Variants in INPP5D observed in about 807,000 individuals in gnomAD.
INPP5D encodes phosphatidylinositol 3,4,5-trisphosphate 5-phosphatase 1.
Under a neutral mutation model 122.9 loss-of-function variants are expected in INPP5D, and 33 were observed. That is an observed-to-expected ratio of 0.27 (90% CI 0.20 to 0.36). The LOEUF (loss-of-function observed/expected upper bound fraction) is 0.36. Ranked by LOEUF, INPP5D falls within the 10% of genes least tolerant of loss-of-function variation. The probability of loss-of-function intolerance (pLI) is 1.00; values close to 1 mark genes in which losing one functional copy is unlikely to be tolerated. For missense variants in INPP5D, 1,053 were observed against 1,412.7 expected (o/e 0.75, Z 4.08); for synonymous variants, 584 against 576.2 (o/e 1.01, Z -0.19).
intron 7 of INPP5D, 47 bp downstream of exon 7, chr2:233,146,289 CCT>C (rs1559317365): frequency 1.4e-6 from 1 of 704,274 alleles, no homozygotes; most frequent in South Asian, 1.5e-5. Context: ...TCTTTGGTCC[CCT>C]CTTTGCATGG....
At chr2:233,180,232 T>G (rs1206872052) in intron 18 of INPP5D, among the ~76,000 whole-genome samples, 1 of 150,910 alleles carries the variant, frequency 6.6e-6, no homozygotes, top group Non-Finnish European at 1.5e-5. Context: ...CCACAGAGAG[T>G]GTGGTTACTG....
At chr2:233,196,724 G>A (rs1179453391) in intron 24 of INPP5D, among the ~76,000 whole-genome samples, 2 of 152,156 alleles carry the variant, frequency 1.3e-5, no homozygotes, top group African/African-American at 2.4e-5. Flanking sequence ...CCAGAATCAA[G>A]TTCTGGTCTC....
chr2:233,114,740 C>A (rs1692735735), intron 2 of INPP5D, among the ~76,000 whole-genome samples: 1 of 152,180 alleles, frequency 6.6e-6, no homozygotes, highest in African/African-American at 2.4e-5. Flanking sequence ...CCCGCAAACC[C>A]ACACCATTCT....
At chr2:233,117,474 G>A (rs1692835189) in intron 2 of INPP5D, among the ~76,000 whole-genome samples, 1 of 152,190 alleles carries the variant, frequency 6.6e-6, no homozygotes, top group Non-Finnish European at 1.5e-5. Flanking sequence ...TTTTGGCGGG[G>A]GAGGGGATCT....
intron 1 of INPP5D, among the ~76,000 whole-genome samples, chr2:233,072,674 C>T (rs774096254): frequency 3.9e-5 from 6 of 152,138 alleles, no homozygotes; most frequent in Admixed American, 6.6e-5. Flanking sequence ...CTATTTCCTC[C>T]CATGTCACTT....
rs1015016529 is a variant in INPP5D at position 233,105,214 on chromosome 2, G to T, written c.199-16893G>T. On this transcript the variant is annotated intron_variant, in intron 2 of 26. Transcript: ENST00000445964. This position sits in a 1 kb window ranked among gnomAD's most constrained non-coding sequence, Gnocchi z 4.0. ...GAAGTGGGGATGGGAGCAGGGGGGC[G>T]GTCAGTGGGTCCCAGGGAACTGGGT... is the stretch of plus-strand genomic sequence containing the variant. 6.6e-6 allele frequency among the ~76,000 whole-genome samples: 1 copy of T among 152,118 alleles called. No individual in the cohort carries two copies. The highest frequency in any genetic ancestry group is 6.5e-5 in the Admixed American group (1 of 15,280).
intron 2 of INPP5D, among the ~76,000 whole-genome samples, chr2:233,109,428 G>A (rs906125247): frequency 3.3e-5 from 5 of 152,168 alleles, no homozygotes; most frequent in South Asian, 2.1e-4. Flanking sequence ...TATTATTGGC[G>A]TGGGCATTGT....
At position 233,189,190 on chromosome 2, in the gene INPP5D, G is replaced by T. The variant is rs1169333531; in HGVS notation, c.2359-660G>T. Among the ~76,000 whole-genome samples the T allele has an allele frequency of 2.0e-5, 3 of 152,162 alleles. No homozygotes were observed. The South Asian group carries it at 6.2e-4, about 32-fold the overall frequency. ...TGCCAGCCAGGCCAGCAGGGCCTCTGGGGGAGCTGGCACTCCCCAGCTCTG... is the reference window on the plus strand; with the variant it reads ...TGCCAGCCAGGCCAGCAGGGCCTCTTGGGGAGCTGGCACTCCCCAGCTCTG... On this transcript the variant is annotated intron_variant, in intron 21 of 26. Coordinates refer to ENST00000445964, the MANE Select transcript of INPP5D (RefSeq NM_001017915.3). This position sits in a 1 kb window ranked among gnomAD's most constrained non-coding sequence, Gnocchi z 5.6.
At chr2:233,099,073 C>T (rs922222437) in intron 2 of INPP5D, among the ~76,000 whole-genome samples, 2 of 151,934 alleles carry the variant, frequency 1.3e-5, no homozygotes, top group African/African-American at 4.8e-5. Flanking sequence ...GCCTCAGCCT[C>T]CGGAGTAGTT....
In INPP5D at chr2:233,082,737, TA is replaced by T. The variant is rs540426574; in HGVS notation, c.198+3347del. 1.9e-4 allele frequency among the ~76,000 whole-genome samples: 29 copies of T among 152,048 alleles called. No homozygotes were observed. Among genetic ancestry groups the T allele is most frequent in the African/African-American group, 6.0e-4 (25 of 41,470 alleles). On this transcript the variant is annotated intron_variant, in intron 2 of 26. Transcript: ENST00000445964. The surrounding 1 kb of genome is among the most constrained non-coding windows in gnomAD (Gnocchi z 4.7). ...TCTCTCACTCCATCTTTCACAGACT[TA>T]AAAAAAATCCGAGATGGGAGGGCAG... is the stretch of plus-strand genomic sequence containing the variant.
chr2:233,068,023 T>C (rs896354053), intron 1 of INPP5D, among the ~76,000 whole-genome samples: 13 of 152,078 alleles, frequency 8.5e-5, no homozygotes, highest in African/African-American at 3.1e-4. Context: ...AGGTGGCTCA[T>C]GCCTGTAATC....
chr2:233,191,121 T>G (rs1255782037), intron 22 of INPP5D, among the ~76,000 whole-genome samples: 1 of 152,186 alleles, frequency 6.6e-6, no homozygotes, highest in East Asian at 1.9e-4. Flanking sequence ...GAGGTGTAAT[T>G]GACTCACAGT....
rs115918649 is a variant in INPP5D, at chr2:233,066,864, C to T, written c.134+6252C>T. Among the ~76,000 whole-genome samples the T allele has an allele frequency of 6.6e-3, 1,006 of 152,162 alleles. 19 individuals carry two copies. Among genetic ancestry groups the T allele is most frequent in the Non-Finnish European group, 6.1e-3 (412 of 68,018 alleles). On this transcript the variant is annotated intron_variant, in intron 1 of 26. Transcript: ENST00000445964. ...TGTGTTCTTGGCTCACTGTAACCTC[C>T]GCTTCCTGAATTCAAGCAATCCTCT...
intron 9 of INPP5D, among the ~76,000 whole-genome samples, chr2:233,156,503 C>T (rs1294143782): frequency 1.3e-5 from 2 of 152,168 alleles, no homozygotes; most frequent in Admixed American, 1.3e-4. Context: ...CCATGTTGCC[C>T]AGGCTGGTCT....
intron 2 of INPP5D, among the ~76,000 whole-genome samples, chr2:233,107,949 C>T (rs565466519): frequency 1.3e-5 from 2 of 152,274 alleles, no homozygotes; most frequent in South Asian, 2.1e-4. Flanking sequence ...TTACCCTTTT[C>T]AAGTCTCCAG....
At chr2:233,195,534 A>G (rs770914503) in intron 24 of INPP5D, 39 bp downstream of exon 24, 15 of 1,612,068 alleles carry the variant, frequency 9.3e-6, no homozygotes, top group Non-Finnish European at 1.3e-5. Flanking sequence ...GGGGGTGGAT[A>G]TCAGGGACTC....
At chr2:233,084,587 G>A (rs555011595) in intron 2 of INPP5D, among the ~76,000 whole-genome samples, 18 of 152,332 alleles carry the variant, frequency 1.2e-4, no homozygotes, top group African/African-American at 4.3e-4. Context: ...CTTTCTAAAA[G>A]CTGTTCCGTC....
rs749564660 is a variant in INPP5D at position 233,170,577 on chromosome 2, A to C, written c.1873A>C (p.Arg625=). Residue 625 remains arginine, a synonymous_variant, in exon 16 of 27, where the codon AGG becomes CGG. Transcript: ENST00000445964. This position sits in a 1 kb window ranked among gnomAD's most constrained non-coding sequence, Gnocchi z 4.5. ...LSHDQLLTER[R]EQKVFLHFEE... ...CCACGACCAGCTGCTCACAGAGAGG[A>C]GGGAGCAGAAGGTCTTCCTACACTT... 5 of 1,613,524 alleles carry C rather than the reference A, an allele frequency of 3.1e-6. No individual in the cohort carries two copies. Among genetic ancestry groups the C allele is most frequent in the Non-Finnish European group, 4.2e-6 (5 of 1,179,706 alleles).
At chr2:233,172,984 G>A (rs1694528809) in intron 17 of INPP5D, among the ~76,000 whole-genome samples, 1 of 152,204 alleles carries the variant, frequency 6.6e-6, no homozygotes, top group African/African-American at 2.4e-5. Flanking sequence ...CGAGGTGGGT[G>A]GATCACTTGA....
Sources: allele counts gnomAD v4.1 joint callset (sites outside exome capture counted in the v4.1 genomes callset), GRCh38; gene constraint gnomAD v4.1.1; non-coding constraint Gnocchi (gnomAD v3.1); transcripts MANE v1.5; gene names NCBI Gene and HGNC (gene_info 2026-07-23, HGNC 2026-07-21).